Variants in CNIH3 observed in about 807,000 individuals in gnomAD.
CNIH3 encodes cornichon family AMPA receptor auxiliary protein 3.
A neutral mutation model predicts 24.1 loss-of-function variants in CNIH3; 14 were observed. That is an observed-to-expected ratio of 0.58 (90% CI 0.38 to 0.91). The LOEUF is 0.91. Ranked by LOEUF, CNIH3 falls within the 40% of genes least tolerant of loss-of-function variation. The probability of loss-of-function intolerance (pLI) is 0.00; values close to 1 mark genes in which losing one functional copy is unlikely to be tolerated. For synonymous variants in CNIH3, 68 were observed against 73.8 expected, an observed-to-expected ratio of 0.92 and a Z score of 0.40; for missense variants, 178 against 196.8, an observed-to-expected ratio of 0.90 and a Z score of 0.57.
intron 1 of CNIH3, among the ~76,000 whole-genome samples, chr1:224,461,066 G>A (rs1229431597): frequency 6.6e-6 from 1 of 150,524 alleles, no homozygotes; most frequent in African/African-American, 2.4e-5. Flanking sequence ...GCAGTGGGGC[G>A]AGCTCAGCTC....
intron 1 of CNIH3, among the ~76,000 whole-genome samples, chr1:224,451,320 G>A (rs1337774727): frequency 2.0e-5 from 3 of 152,196 alleles, no homozygotes; most frequent in Non-Finnish European, 2.9e-5. Context: ...GGGTTCAAAA[G>A]ACCCAAGAGT....
chr1:224,551,786 G>A (rs1036633631), intron 3 of CNIH3, among the ~76,000 whole-genome samples: 13 of 150,296 alleles, frequency 8.6e-5, no homozygotes, highest in African/African-American at 2.9e-4. Flanking sequence ...TGTGATATTA[G>A]GAGTCATACA....
intron 1 of CNIH3, among the ~76,000 whole-genome samples, chr1:224,490,498 A>G (rs1182898986): frequency 1.3e-5 from 2 of 152,116 alleles, no homozygotes; most frequent in South Asian, 2.1e-4. Context: ...GTTTTTCTTT[A>G]TGGTCAAGTT....
intron 3 of CNIH3, among the ~76,000 whole-genome samples, chr1:224,605,092 C>A (rs1682364053): frequency 1.3e-5 from 2 of 152,092 alleles, no homozygotes; most frequent in Non-Finnish European, 2.9e-5. Flanking sequence ...GTGTAGAAAA[C>A]CAATTAGGAA....
intron 3 of CNIH3, among the ~76,000 whole-genome samples, chr1:224,596,617 G>T (rs1681990430): frequency 6.6e-6 from 1 of 152,118 alleles, no homozygotes; most frequent in South Asian, 2.1e-4. Flanking sequence ...TCCTCTGATG[G>T]ATCTGGGCAA....
At chr1:224,680,845 T>C (rs535797569) in intron 1 of CNIH3, 113 bp from the exon 2 acceptor site, 1 of 781,766 alleles carries the variant, frequency 1.3e-6, no homozygotes, top group Admixed American at 2.0e-5. Context: ...TCTCATGCCA[T>C]CTACAGCCTC....
intron 3 of CNIH3, among the ~76,000 whole-genome samples, chr1:224,549,029 C>T (rs2124962203): frequency 6.6e-6 from 1 of 152,118 alleles, no homozygotes; most frequent in Non-Finnish European, 1.5e-5. Context: ...TTCATAGTAT[C>T]CCATGGTGAT....
At chr1:224,537,742 A>G (rs546807960), downstream of CNIH3, among the ~76,000 whole-genome samples, 28 of 152,242 alleles carry the variant, frequency 1.8e-4, no homozygotes, top group Non-Finnish European at 3.5e-4. Flanking sequence ...TATATAATGT[A>G]TAACAGCAGC....
chr1:224,685,395 G>C (rs1450155097), intron 3 of CNIH3, among the ~76,000 whole-genome samples: 2 of 152,202 alleles, frequency 1.3e-5, no homozygotes, highest in Non-Finnish European at 2.9e-5. Context: ...AGCTTCCCCA[G>C]ACTCATTCAG....
intron 3 of CNIH3, among the ~76,000 whole-genome samples, chr1:224,685,069 C>A (rs1280885214): frequency 6.6e-6 from 1 of 152,208 alleles, no homozygotes; most frequent in Non-Finnish European, 1.5e-5. Flanking sequence ...GTCAGGACAG[C>A]ACTGGGTATT....
At chr1:224,476,102 A>G (rs1440147705) in intron 1 of CNIH3, among the ~76,000 whole-genome samples, 1 of 152,238 alleles carries the variant, frequency 6.6e-6, no homozygotes, top group East Asian at 1.9e-4. Context: ...ACCTCAATAC[A>G]ATAAAAGCCA....
intron 1 of CNIH3, among the ~76,000 whole-genome samples, chr1:224,665,178 C>T (rs1685537787): frequency 6.6e-6 from 1 of 152,126 alleles, no homozygotes; most frequent in African/African-American, 2.4e-5. Flanking sequence ...ATCCTGGGAC[C>T]TGCCATGTGA....
chr1:224,449,146 A>G (rs1675284205), intron 1 of CNIH3, among the ~76,000 whole-genome samples: 1 of 151,478 alleles, frequency 6.6e-6, no homozygotes. Context: ...TTGTATTTTT[A>G]GTAGAGATGG....
At chr1:224,568,658 G>A (rs957977810) in intron 4 of CNIH3, among the ~76,000 whole-genome samples, 3 of 152,032 alleles carry the variant, frequency 2.0e-5, no homozygotes, top group African/African-American at 7.2e-5. Context: ...GGAGGCTGAG[G>A]TGGGAGGATT....
upstream of CNIH3, among the ~76,000 whole-genome samples, chr1:224,514,741 G>A (rs2124901341): frequency 6.6e-6 from 1 of 152,298 alleles, no homozygotes; most frequent in Non-Finnish European, 1.5e-5. Context: ...TGTGGTGGCA[G>A]GATCACCTGA....
At chr1:224,506,215 T>C (rs1406350865) in intron 1 of CNIH3, among the ~76,000 whole-genome samples, 1 of 152,188 alleles carries the variant, frequency 6.6e-6, no homozygotes, top group African/African-American at 2.4e-5. Context: ...GTGCTGTTGG[T>C]GTGTCACCAG....
chr1:224,708,105 C>T (rs1032218200), intron 3 of CNIH3, among the ~76,000 whole-genome samples: 8 of 152,160 alleles, frequency 5.3e-5, no homozygotes, highest in African/African-American at 1.7e-4. Flanking sequence ...AGCAATCCTG[C>T]CATCCCTCAA....
At chr1:224,657,747 C>T (rs1037020297) in intron 1 of CNIH3, among the ~76,000 whole-genome samples, 1 of 152,074 alleles carries the variant, frequency 6.6e-6, no homozygotes, top group African/African-American at 2.4e-5. Context: ...TTTAAGAGTC[C>T]TTTTCATGAA....
intron 3 of CNIH3, among the ~76,000 whole-genome samples, chr1:224,696,670 A>T (rs1687192582): frequency 6.6e-6 from 1 of 152,206 alleles, no homozygotes; most frequent in South Asian, 2.1e-4. Flanking sequence ...TTGATGGAAC[A>T]GCCCAATAGG....
Sources: gnomAD v4.1 joint callset for allele counts (sites outside exome capture counted in the v4.1 genomes callset) on GRCh38, gnomAD v4.1.1 for gene constraint, MANE v1.5 for transcripts, NCBI Gene and HGNC (gene_info 2026-07-23, HGNC 2026-07-21) for gene names.